Variants in ABHD1 observed in about 807,000 individuals in gnomAD.
ABHD1 encodes the protein protein ABHD1.
A neutral mutation model predicts 41.4 loss-of-function variants in ABHD1; 47 were observed. The observed-to-expected ratio is 1.13, with a 90% confidence interval of 0.90 to 1.45. The LOEUF (loss-of-function observed/expected upper bound fraction) is 1.45. Ranked by LOEUF, ABHD1 falls within the 40% of genes most tolerant of loss-of-function variation. The pLI is 0.00. For missense variants in ABHD1, 550 were observed against 503.4 expected (o/e 1.09, Z -0.89); for synonymous variants, 205 against 203.7 (o/e 1.01, Z -0.05).
intron 1 of ABHD1, among the ~76,000 whole-genome samples, chr2:27,127,152 T>C (rs115689430): frequency 0.021 from 3,019 of 145,826 alleles, 102 homozygotes; most frequent in African/African-American, 0.072. Context: ...CATTAGAGAA[T>C]AGGAATATAC....
intron 8 of ABHD1, 43 bp downstream of exon 8, chr2:27,130,459 G>C (rs1475877905): frequency 6.2e-7 from 1 of 1,612,704 alleles, no homozygotes; most frequent in African/African-American, 1.3e-5. Context: ...AAGGAAAATG[G>C]GCCATGAGGG....
Position 27,129,822 on chromosome 2 carries a change from C to G in ABHD1, c.686C>G (p.Ser229Cys), listed in dbSNP as rs775220730. Reference sequence around the variant, plus strand: ...GGGCTGGTGGCAGCACTGACTCTGTCTGCATGCTGGGATTCCTTTGAGACC... The same window carrying G: ...GGGCTGGTGGCAGCACTGACTCTGTGTGCATGCTGGGATTCCTTTGAGACC... ...AAGLVAALTL[S>C]ACWDSFETTR... Residue 229 changes from serine (S) to cysteine (C), a missense_variant, in exon 6 of 9, where the codon TCT (serine) becomes TGT (cysteine). Coordinates refer to ENST00000316470, the MANE Select transcript of ABHD1 (RefSeq NM_032604.4). 2.5e-6 allele frequency: 4 copies of G among 1,614,226 alleles called. No individual in the cohort carries two copies. The East Asian group carries it at 6.7e-5, about 27-fold the overall frequency.
In ABHD1 at chr2:27,129,603, G is replaced by T. The variant is rs148097943; in HGVS notation, c.594G>T (p.Leu198=). 3.6e-4 allele frequency: 582 copies of T among 1,613,412 alleles called. No homozygotes were observed. In the African/African-American group the frequency reaches 6.0e-3, roughly 17 times the overall value. The change falls in exon 5 of 9, where the codon CTG becomes CTT. Residue 198 remains leucine (L), a synonymous_variant. Coordinates refer to ENST00000316470, the MANE Select transcript of ABHD1 (RefSeq NM_032604.4). ...ATCGTTATCCCCAAGCTCCACTGCT[G>T]GCCGTGGGCATCTCTTTTGGAGGGT... is the stretch of plus-strand genomic sequence containing the variant. The part of the protein sequence containing the change: ...IKHRYPQAPL[L]AVGISFGGIL...
rs1423080346 is a variant in ABHD1 at position 27,129,346 on chromosome 2, T to C, written c.489T>C (p.Arg163=). 1.2e-6 allele frequency: 2 copies of C among 1,614,048 alleles called. No individual in the cohort carries two copies. Among genetic ancestry groups the C allele is most frequent in the Non-Finnish European group, 1.7e-6 (2 of 1,180,032 alleles). ...TCGTGTTTAACAACCGGGGCTGCCG[T>C]GGGGAGGAACTGCGGGTGAGTAGCT... ...QAVVFNNRGC[R]GEELRTHRAF... Residue 163 remains arginine, a synonymous_variant, in exon 4 of 9, where the codon CGT becomes CGC. Transcript: ENST00000316470.
At chr2:27,128,722 CAATG>C in intron 2 of ABHD1, 121 bp downstream of exon 2, 1 of 1,392,376 alleles carries the variant, frequency 7.2e-7, no homozygotes, top group African/African-American at 1.4e-5. Flanking sequence ...GGTTCAATGA[CAATG>C]GATGTTATAT....
rs1265335557 is a variant in ABHD1, at chr2:27,130,418, T to A, written c.1006+2T>A. On this transcript the variant is annotated splice_donor_variant, in intron 8 of 8. Transcript: ENST00000316470. LOFTEE classifies it high-confidence loss of function. The stretch of plus-strand genomic sequence containing the variant: ...ATGACCCCTTCTCCCCCGTCTGTGG[T>A]GAGTACTCTGATTCAGGACACTTTG... 1 of 1,614,130 alleles carries A rather than the reference T, an allele frequency of 6.2e-7. No homozygotes were observed. The highest frequency in any genetic ancestry group is 8.5e-7 in the Non-Finnish European group (1 of 1,180,002).
At position 27,124,023 on chromosome 2, in the gene ABHD1, T is replaced by C. The variant is rs1463175116; in HGVS notation, c.75T>C (p.Val25=). The C allele has an allele frequency of 2.5e-6, 4 of 1,614,218 alleles. No individual in the cohort carries two copies. In the South Asian group the frequency reaches 4.4e-5, roughly 18 times the overall value. Reference sequence around the variant, plus strand: ...TCTCTCTGCTCTTGGCTCTTGCCGTTGCCCTCTACTTGGGCTACTACTGGG... The same window carrying C: ...TCTCTCTGCTCTTGGCTCTTGCCGTCGCCCTCTACTTGGGCTACTACTGGG... ...DTFSLLLALA[V]ALYLGYYWAC... is the part of the protein sequence containing the mutation. Residue 25 remains valine, a synonymous_variant, in exon 1 of 9, where the codon GTT becomes GTC. Transcript: ENST00000316470.
rs200847316 is a variant in ABHD1 at position 27,128,392 on chromosome 2, G to C, written c.115-49G>C. On this transcript the variant is annotated intron_variant, in intron 1 of 8. Transcript: ENST00000316470. ...CCCTCTGGTGTTGGGTGCCTCACTA[G>C]CTTGGTGCAAAAGTCAGGGAAGTGG... is the stretch of plus-strand genomic sequence containing the variant. 5.6e-6 allele frequency: 9 copies of C among 1,611,394 alleles called. No homozygotes were observed. In the Admixed American group the frequency reaches 1.5e-4, roughly 27 times the overall value.
At chr2:27,130,080 G>A in intron 6 of ABHD1, 25 bp from the exon 7 acceptor site, 1 of 1,614,160 alleles carries the variant, frequency 6.2e-7, no homozygotes, top group Admixed American at 1.7e-5. Flanking sequence ...CAGGTGTCAA[G>A]CCAAACTCTT....
Position 27,123,863 on chromosome 2 carries a change from A to G in ABHD1, c.-86A>G. 1 of 1,103,650 alleles carries G rather than the reference A, an allele frequency of 9.1e-7. No homozygotes were observed. The highest frequency in any genetic ancestry group is 1.3e-6 in the Non-Finnish European group (1 of 763,430). 68.4% of individuals were successfully genotyped at this position (1,103,650 alleles called of 1,614,324 possible). On this transcript the variant is annotated 5_prime_UTR_variant, in exon 1 of 9. An upstream start codon of the reference 5' UTR is lost. Transcript: ENST00000316470. Reference sequence around the variant, plus strand: ...GGGACCGGACCTGCACAGGCCGCCTATGGCGGGCGGCGGGTGGGACCGCGA... The same window carrying G: ...GGGACCGGACCTGCACAGGCCGCCTGTGGCGGGCGGCGGGTGGGACCGCGA...
Position 27,130,128 on chromosome 2 carries a change from T to C in ABHD1, c.815T>C (p.Val272Ala). 6.2e-7 allele frequency: 1 copy of C among 1,614,170 alleles called. No homozygotes were observed. Among genetic ancestry groups the C allele is most frequent in the Non-Finnish European group, 8.5e-7 (1 of 1,180,038 alleles). Residue 272 changes from valine (V) to alanine (A), a missense_variant, in exon 7 of 9, where the codon GTG becomes GCG. Coordinates refer to ENST00000316470, the MANE Select transcript of ABHD1 (RefSeq NM_032604.4). ...AGAAACAGAAAGGTGATTGAAAAGGTGGTGGACATAGACTTTGTACTACAG... is the reference window on the plus strand; with the variant it reads ...AGAAACAGAAAGGTGATTGAAAAGGCGGTGGACATAGACTTTGTACTACAG... The part of the protein sequence containing the change: ...VERNRKVIEK[V>A]VDIDFVLQAR...
rs768375869 is a variant in ABHD1, at chr2:27,124,061, A to G, written c.113A>G (p.Gln38Arg). 2.5e-6 allele frequency: 4 copies of G among 1,613,830 alleles called. No homozygotes were observed. The change falls in exon 1 of 9, where the codon CAG (glutamine) becomes CGG (arginine). Residue 38 changes from glutamine to arginine, a missense_variant and splice_region_variant. Physicochemically the swap from Gln to Arg is conservative, Grantham distance 43. Coordinates refer to ENST00000316470, the MANE Select transcript of ABHD1 (RefSeq NM_032604.4). ...GGCTACTACTGGGCATGTGTGCTTCAGGTGGGTGCGGGTCCACCGCTCTGG... is the reference window on the plus strand; with the variant it reads ...GGCTACTACTGGGCATGTGTGCTTCGGGTGGGTGCGGGTCCACCGCTCTGG... ...YLGYYWACVL[Q>R]RPRLVAGPQF...
rs1352224220 is a variant in ABHD1, at chr2:27,123,926, G to A, written c.-23G>A. ...CAACTGGGGCCAGCCAGGAGCCTGA[G>A]GGTCGGAAGCCCCCAACACAAGATG... On this transcript the variant is annotated 5_prime_UTR_variant, in exon 1 of 9. Coordinates refer to ENST00000316470, the MANE Select transcript of ABHD1 (RefSeq NM_032604.4). 2.5e-6 allele frequency: 4 copies of A among 1,606,444 alleles called. No homozygotes were observed. Among genetic ancestry groups the A allele is most frequent in the Non-Finnish European group, 2.6e-6 (3 of 1,173,094 alleles).
At chr2:27,127,553 C>G (rs1336414697) in intron 1 of ABHD1, among the ~76,000 whole-genome samples, 3 of 96,192 alleles carry the variant, frequency 3.1e-5, no homozygotes, top group Admixed American at 1.2e-4. Flanking sequence ...GACTCTGTCT[C>G]AAAAAAAAAA....
rs79259611 is a variant in ABHD1 at position 27,128,601 on chromosome 2, G to C, written c.275G>C (p.Ser92Thr). 1 of 1,614,026 alleles carries C rather than the reference G, an allele frequency of 6.2e-7. No individual in the cohort carries two copies. Among genetic ancestry groups the C allele is most frequent in the East Asian group, 2.2e-5 (1 of 44,876 alleles). ...TCTCAGCCCCTAGTCCTTTATCAGA[G>C]GTAAGAAGGGACAGAACAGGGTGAA... is the stretch of plus-strand genomic sequence containing the variant. ...LQSQPLVLYQSDILQTPDGGQ... is the reference protein window; with the variant it reads ...LQSQPLVLYQTDILQTPDGGQ... Residue 92 changes from serine to threonine, a missense_variant and splice_region_variant, in exon 2 of 9, where the codon AGT (serine) becomes ACT (threonine). Coordinates refer to ENST00000316470, the MANE Select transcript of ABHD1 (RefSeq NM_032604.4).
chr2:27,127,470 C>T lies in ABHD1; in HGVS notation c.115-971C>T, dbSNP rs1672010971. Reference sequence around the variant, plus strand: ...TTGGGAGGCTGAGGCAGGAGAATGGCGTGAACCCGGGAGGTGGAGCTTGCA... The same window carrying T: ...TTGGGAGGCTGAGGCAGGAGAATGGTGTGAACCCGGGAGGTGGAGCTTGCA... On this transcript the variant is annotated intron_variant, in intron 1 of 8. Transcript: ENST00000316470. 3.9e-5 allele frequency among the ~76,000 whole-genome samples: 5 copies of T among 129,512 alleles called. No individual in the cohort carries two copies. In the South Asian group the frequency reaches 1.3e-3, roughly 33 times the overall value. 85.0% of individuals were successfully genotyped at this position (129,512 alleles called of 152,430 possible).
At chr2:27,127,823 G>C (rs892243187) in intron 1 of ABHD1, among the ~76,000 whole-genome samples, 1 of 151,692 alleles carries the variant, frequency 6.6e-6, no homozygotes, top group Non-Finnish European at 1.5e-5. Context: ...GCCTCCCAAA[G>C]TGCTGGGATT....
At chr2:27,127,567 A>AAAAAAG (rs1672020855) in intron 1 of ABHD1, among the ~76,000 whole-genome samples, 1 of 55,548 alleles carries the variant, frequency 1.8e-5, no homozygotes, top group African/African-American at 3.6e-5. Context: ...AAAAAAAAAA[A>AAAAAAG]AAAAGAAAAA....
At chr2:27,128,333 C>T in intron 1 of ABHD1, 108 bp from the exon 2 acceptor site, 1 of 1,389,124 alleles carries the variant, frequency 7.2e-7, no homozygotes, top group Non-Finnish European at 1.0e-6. Context: ...AAGCAGGGTC[C>T]TCCAGGCTGG....
Sources: gnomAD v4.1 joint callset for allele counts (sites outside exome capture counted in the v4.1 genomes callset) on GRCh38, gnomAD v4.1.1 for gene constraint, MANE v1.5 for transcripts, NCBI Gene and HGNC (gene_info 2026-07-23, HGNC 2026-07-21) for gene names.